AVL9: variants seen among roughly 807,000 people sequenced by gnomAD.
AVL9 encodes late secretory pathway protein AVL9 homolog.
Under a neutral mutation model 79.2 loss-of-function variants are expected in AVL9, and 49 were observed. The observed-to-expected ratio is 0.62, with a 90% CI of 0.49 to 0.79. The LOEUF is 0.79. AVL9 is among the 30% of genes least tolerant of loss of function. The pLI, the probability that AVL9 is intolerant of heterozygous loss-of-function variation, is 0.00. For missense variants in AVL9, 682 were observed against 776.8 expected, an observed-to-expected ratio of 0.88 and a Z score of 1.45; for synonymous variants, 299 against 280.6, an observed-to-expected ratio of 1.07 and a Z score of -0.65.
Position 32,551,605 on chromosome 7 carries a change from CTTT to C in AVL9, c.462+199_462+201del, listed in dbSNP as rs60271681. ...TGCCCAAATACTAAATTTAACCAAA[CTTT>C]TTTTTTTTTTTTTTTTAGGAAATAA... On this transcript the variant is annotated intron_variant, in intron 5 of 15. Coordinates refer to ENST00000318709, the MANE Select transcript of AVL9 (RefSeq NM_015060.3). Among the ~76,000 whole-genome samples, 65 of 93,752 alleles carry C rather than the reference CTTT, an allele frequency of 6.9e-4. 1 individual carries two copies. The highest frequency in any genetic ancestry group is 2.7e-4 in the Non-Finnish European group (14 of 52,170). The allele number at this position is 93,752 out of a possible 152,430, so 61.5% of individuals were successfully genotyped here. A position where few individuals can be genotyped will look rare whatever the true frequency, so the allele number is the denominator to read the frequency against.
chr7:32,558,078 T>C (rs774111099), intron 8 of AVL9, among the ~76,000 whole-genome samples: 1 of 151,138 alleles, frequency 6.6e-6, no homozygotes, highest in Non-Finnish European at 1.5e-5. Flanking sequence ...CTGGTCTCGA[T>C]CTCCTGACCT....
chr7:32,511,523 G>A (rs966048173), intron 1 of AVL9, among the ~76,000 whole-genome samples: 1 of 152,082 alleles, frequency 6.6e-6, no homozygotes, highest in Non-Finnish European at 1.5e-5. Flanking sequence ...GGGGATTAGA[G>A]TACAGGGGAC....
chr7:32,565,168 T>A (rs984602831), intron 10 of AVL9, among the ~76,000 whole-genome samples: 54 of 152,174 alleles, frequency 3.5e-4, no homozygotes, highest in African/African-American at 1.3e-3. Context: ...CCTGACTTAA[T>A]CTCATGCATC....
At chr7:32,516,723 A>G (rs934140774) in intron 1 of AVL9, among the ~76,000 whole-genome samples, 15 of 151,744 alleles carry the variant, frequency 9.9e-5, no homozygotes, top group East Asian at 1.9e-4. Flanking sequence ...AGTCCTGCCA[A>G]TAACCAGCAC....
At chr7:32,525,968 A>G (rs980524594) in intron 1 of AVL9, among the ~76,000 whole-genome samples, 2 of 152,094 alleles carry the variant, frequency 1.3e-5, no homozygotes, top group African/African-American at 4.8e-5. Flanking sequence ...ATTGAGTGAA[A>G]AGGGAAAAAA....
chr7:32,548,585 T>TAA (rs3841581), intron 3 of AVL9, among the ~76,000 whole-genome samples: 30,909 of 152,046 alleles, frequency 0.2, 3,352 homozygotes, highest in South Asian at 0.32. Context: ...ACATAAAGTA[T>TAA]TTTCCATGAG....
At chr7:32,512,788 A>G (rs1462604343) in intron 1 of AVL9, among the ~76,000 whole-genome samples, 11 of 152,152 alleles carry the variant, frequency 7.2e-5, no homozygotes, top group Admixed American at 7.2e-4. Flanking sequence ...GCTAAAATAA[A>G]ACTCCCTCCC....
chr7:32,527,839 C>T (rs1788470799), intron 1 of AVL9, among the ~76,000 whole-genome samples: 1 of 152,036 alleles, frequency 6.6e-6, no homozygotes, highest in African/African-American at 2.4e-5. Flanking sequence ...CCACCTACCT[C>T]CCACAATCAT....
At chr7:32,539,337 T>C (rs1445648017) in intron 1 of AVL9, 1 of 152,244 alleles carries the variant, frequency 6.6e-6, no homozygotes, top group Non-Finnish European at 1.5e-5. Context: ...TTACTATTGA[T>C]TTTAGCAAGA....
intron 1 of AVL9, chr7:32,533,309 GAAAAATA>G (rs918689076): frequency 2.0e-5 from 3 of 151,914 alleles, no homozygotes; most frequent in African/African-American, 7.3e-5. Context: ...TGTGTCTCAA[GAAAAATA>G]AAAAATAAAA....
intron 1 of AVL9, among the ~76,000 whole-genome samples, chr7:32,497,653 C>CTTTTTTTTTTT (rs59504023): frequency 8.5e-6 from 1 of 117,104 alleles, no homozygotes; most frequent in Non-Finnish European, 1.8e-5. Context: ...ACCATTAGTT[C>CTTTTTTTTTTT]TTTTTTTTTT....
At chr7:32,579,388 AT>A (rs773629099) in intron 13 of AVL9, among the ~76,000 whole-genome samples, 199 of 9,756 alleles carry the variant, frequency 0.02, 52 homozygotes, top group African/African-American at 0.054. Context: ...TATATAACAT[AT>A]TATATGTTAT....
intron 1 of AVL9, among the ~76,000 whole-genome samples, chr7:32,541,785 G>T (rs1789221624): frequency 6.6e-6 from 1 of 151,808 alleles, no homozygotes; most frequent in African/African-American, 2.4e-5. Flanking sequence ...CGCAATCTCG[G>T]CTCACTGTAA....
In AVL9 at chr7:32,587,870, G is replaced by A. The variant is rs1791865336; in HGVS notation, c.*3963G>A. 6.6e-6 allele frequency: 1 copy of A among 152,178 alleles called. No individual in the cohort carries two copies. Among genetic ancestry groups the A allele is most frequent in the African/African-American group, 2.4e-5 (1 of 41,442 alleles). 9.4% of individuals were successfully genotyped at this position (152,178 alleles called of 1,614,324 possible). A position where few individuals can be genotyped will look rare whatever the true frequency, so the allele number is the denominator to read the frequency against. On this transcript the variant is annotated 3_prime_UTR_variant, in exon 16 of 16. Transcript: ENST00000318709. ...TTTGTCAAGGACAAAGAAAAGGAAT[G>A]TGGATGTTTATTCTTTTCATATGAA...
At chr7:32,570,712 T>A (rs1290221992) in intron 11 of AVL9, among the ~76,000 whole-genome samples, 1 of 151,200 alleles carries the variant, frequency 6.6e-6, no homozygotes, top group Admixed American at 6.6e-5. Flanking sequence ...CTCCACCTCC[T>A]GGGTTCAAGC....
intron 1 of AVL9, among the ~76,000 whole-genome samples, chr7:32,498,240 T>TG (rs754141089): frequency 6.3e-5 from 4 of 63,256 alleles, no homozygotes; most frequent in Non-Finnish European, 1.4e-4. Flanking sequence ...TCCTCAGATT[T>TG]TTTTTTTTTT....
At chr7:32,519,434 A>T (rs1429500974) in intron 1 of AVL9, among the ~76,000 whole-genome samples, 1 of 151,908 alleles carries the variant, frequency 6.6e-6, no homozygotes, top group Non-Finnish European at 1.5e-5. Context: ...TCCCAAAAAA[A>T]AAAAAAAGAA....
intron 10 of AVL9, among the ~76,000 whole-genome samples, chr7:32,560,704 T>C (rs1052406082): frequency 6.6e-6 from 1 of 152,214 alleles, no homozygotes; most frequent in Non-Finnish European, 1.5e-5. Flanking sequence ...GAGTAATGAA[T>C]CTTTTCCAGA....
chr7:32,556,972 T>TC lies in AVL9; in HGVS notation c.610-1583dup, dbSNP rs1220659807. Among the ~76,000 whole-genome samples, 3 of 152,208 alleles carry TC rather than the reference T, an allele frequency of 2.0e-5. No homozygotes were observed. The South Asian group carries it at 6.2e-4, about 32-fold the overall frequency. Reference sequence around the variant, plus strand: ...TATTCCTTTATATATGTCCATTTTTTCCCCTGAATCATAATACCTTGAAAG... The same window carrying TC: ...TATTCCTTTATATATGTCCATTTTTTCCCCCTGAATCATAATACCTTGAAAG... On this transcript the variant is annotated intron_variant, in intron 8 of 15. Transcript: ENST00000318709.
Sources: gnomAD v4.1 joint callset for allele counts (sites outside exome capture counted in the v4.1 genomes callset) on GRCh38, gnomAD v4.1.1 for gene constraint, MANE v1.5 for transcripts, NCBI Gene and HGNC (gene_info 2026-07-23, HGNC 2026-07-21) for gene names.